KIRREL1: variants seen among roughly 807,000 people sequenced by gnomAD.
KIRREL1 encodes the protein kirre like nephrin family adhesion molecule 1, also known as kin of IRRE-like protein 1.
KIRREL1 carries 25 observed loss-of-function variants against 83.3 expected under a neutral mutation model. That is an observed-to-expected ratio of 0.30 (90% confidence interval 0.22 to 0.42). The LOEUF is 0.42. KIRREL1 is among the 10% of genes least tolerant of loss of function. The pLI is 1.00. For synonymous variants in KIRREL1, 388 were observed against 410.4 expected (o/e 0.95, Z 0.66); for missense variants, 812 against 1,032.3 (o/e 0.79, Z 2.92).
chr1:158,013,266 G>C (rs1659736848), intron 1 of KIRREL1, among the ~76,000 whole-genome samples: 1 of 152,200 alleles, frequency 6.6e-6, no homozygotes, highest in Non-Finnish European at 1.5e-5. Flanking sequence ...AGCTGCGACT[G>C]ACCTGTCTGT....
chr1:158,070,827 C>G (rs533362533), intron 1 of KIRREL1, among the ~76,000 whole-genome samples: 4 of 152,116 alleles, frequency 2.6e-5, no homozygotes, highest in Middle Eastern at 3.2e-3. Context: ...AAGCACAGAG[C>G]TGCCACGCCA....
In KIRREL1 at chr1:158,097,221, C is replaced by T; in HGVS notation, c.*2101C>T. 5.8e-6 allele frequency: 2 copies of T among 343,604 alleles called. No homozygotes were observed. The highest frequency in any genetic ancestry group is 2.4e-5 in the South Asian group (1 of 42,416). The allele number at this position is 343,604 out of a possible 1,614,324, so 21.3% of individuals were successfully genotyped here. On this transcript the variant is annotated 3_prime_UTR_variant, in exon 15 of 15. Coordinates refer to ENST00000359209, the MANE Select transcript of KIRREL1 (RefSeq NM_018240.7). ...CTGTCAAGAAATTCAGGTTCTTGTA[C>T]AGACAAATTCATGCAAATTTCTATT...
At chr1:158,086,845 C>G (rs1016211826) in intron 5 of KIRREL1, 99 bp downstream of exon 5, 7 of 1,120,014 alleles carry the variant, frequency 6.2e-6, no homozygotes, top group Non-Finnish European at 7.7e-6. Context: ...CTAAGAGTCC[C>G]CCTATGGTCC....
chr1:158,061,887 A>G (rs1661223250), intron 1 of KIRREL1, among the ~76,000 whole-genome samples: 2 of 152,078 alleles, frequency 1.3e-5, no homozygotes, highest in Non-Finnish European at 2.9e-5. Flanking sequence ...CTGTGGATGG[A>G]TGTAGGTCTG....
At chr1:158,060,612 T>C (rs953960373) in intron 1 of KIRREL1, among the ~76,000 whole-genome samples, 1 of 152,154 alleles carries the variant, frequency 6.6e-6, no homozygotes, top group Non-Finnish European at 1.5e-5. Context: ...TCCAACAGCC[T>C]CTGCTTGCCT....
intron 1 of KIRREL1, chr1:158,031,108 T>C (rs1463857525): frequency 1.3e-5 from 2 of 152,198 alleles, no homozygotes; most frequent in Non-Finnish European, 2.9e-5. Flanking sequence ...AAAGTGTTAA[T>C]TAGACATCAT....
intron 1 of KIRREL1, among the ~76,000 whole-genome samples, chr1:158,017,482 A>G (rs1659863780): frequency 6.6e-6 from 1 of 152,030 alleles, no homozygotes; most frequent in Admixed American, 6.6e-5. Context: ...ACTTGAGGAC[A>G]GGAGTTTGAG....
chr1:158,089,448 A>C, intron 8 of KIRREL1, 54 bp from the exon 9 acceptor site: 1 of 1,609,428 alleles, frequency 6.2e-7, no homozygotes, highest in Non-Finnish European at 8.5e-7. Flanking sequence ...GCCCTCATGG[A>C]CCTAGGGGCC....
intron 1 of KIRREL1, among the ~76,000 whole-genome samples, chr1:157,994,650 C>A (rs1659141856): frequency 6.6e-6 from 1 of 151,940 alleles, no homozygotes; most frequent in South Asian, 2.1e-4. Flanking sequence ...TCTTGCCTCC[C>A]AGGTCTGACT....
In KIRREL1 at chr1:158,097,271, G is replaced by A. The variant is rs201382116; in HGVS notation, c.*2151G>A. 268 of 86,168 alleles carry A rather than the reference G, an allele frequency of 3.1e-3. 2 individuals are homozygous for A. The East Asian group carries it at 0.15, about 50-fold the overall frequency. 5.3% of individuals were successfully genotyped at this position (86,168 alleles called of 1,614,324 possible). On this transcript the variant is annotated 3_prime_UTR_variant, in exon 15 of 15. Coordinates refer to ENST00000359209, the MANE Select transcript of KIRREL1 (RefSeq NM_018240.7). ...TATTTTCACAAAAACCAGAAACCAT[G>A]GGGGAATCCAAAGACTTGAAGTCTA... is the stretch of plus-strand genomic sequence containing the variant.
At chr1:158,048,166 C>T (rs982765541) in intron 1 of KIRREL1, among the ~76,000 whole-genome samples, 3 of 151,966 alleles carry the variant, frequency 2.0e-5, no homozygotes, top group Non-Finnish European at 4.4e-5. Context: ...CCTATTGCGT[C>T]CAAAAAATTA....
At position 158,091,491 on chromosome 1, in the gene KIRREL1, A is replaced by T; in HGVS notation, c.1406A>T (p.His469Leu). ...GTCATGGAGGCCGACTTTCAGACTC[A>T]CTACAACTGCACCGCCTGGAACAGC... ...NNVMEADFQTHYNCTAWNSFG... is the reference protein window; with the variant it reads ...NNVMEADFQTLYNCTAWNSFG... Residue 469 changes from histidine (H) to leucine (L), a missense_variant, in exon 11 of 15, where the codon CAC (histidine) becomes CTC (leucine). Physicochemically the swap from His to Leu is moderately conservative, Grantham distance 99. Transcript: ENST00000359209. 6 of 1,614,236 alleles carry T rather than the reference A, an allele frequency of 3.7e-6. No homozygotes were observed. The highest frequency in any genetic ancestry group is 5.1e-6 in the Non-Finnish European group (6 of 1,180,048).
intron 1 of KIRREL1, among the ~76,000 whole-genome samples, chr1:158,027,134 G>A (rs1660196508): frequency 6.6e-6 from 1 of 152,156 alleles, no homozygotes; most frequent in Admixed American, 6.5e-5. Context: ...CTTCTGACTG[G>A]CTGGCTACAA....
intron 1 of KIRREL1, among the ~76,000 whole-genome samples, chr1:158,010,026 G>C (rs1280766476): frequency 6.6e-6 from 1 of 151,968 alleles, no homozygotes; most frequent in Non-Finnish European, 1.5e-5. Context: ...CAGTGACCTG[G>C]GCCTATTTTC....
chr1:158,091,297 G>A (rs1571001456), intron 10 of KIRREL1, 61 bp from the exon 11 acceptor site: 12 of 1,504,460 alleles, frequency 8.0e-6, no homozygotes, highest in Middle Eastern at 1.9e-4. Flanking sequence ...CAGGGGACAC[G>A]TGGGCATGGG....
intron 1 of KIRREL1, among the ~76,000 whole-genome samples, chr1:158,055,131 G>A (rs2101597303): frequency 6.6e-6 from 1 of 152,186 alleles, no homozygotes; most frequent in South Asian, 2.1e-4. Flanking sequence ...TCTGCTGCCT[G>A]CCTTCCCCCT....
chr1:158,039,809 G>A (rs1660576627), intron 1 of KIRREL1, among the ~76,000 whole-genome samples: 1 of 152,244 alleles, frequency 6.6e-6, no homozygotes, highest in South Asian at 2.1e-4. Flanking sequence ...GTGTTGGTGT[G>A]TTGGTCTCAG....
At chr1:158,042,018 C>T (rs1371846951) in intron 1 of KIRREL1, among the ~76,000 whole-genome samples, 1 of 152,092 alleles carries the variant, frequency 6.6e-6, no homozygotes, top group African/African-American at 2.4e-5. Flanking sequence ...AGAGAACTTG[C>T]TACATTGCCT....
At chr1:158,002,843 C>T (rs557577186) in intron 1 of KIRREL1, among the ~76,000 whole-genome samples, 1 of 152,184 alleles carries the variant, frequency 6.6e-6, no homozygotes, top group African/African-American at 2.4e-5. Flanking sequence ...GGACAATCCC[C>T]GATTGTACCC....
Sources: allele counts gnomAD v4.1 joint callset (sites outside exome capture counted in the v4.1 genomes callset), GRCh38; gene constraint gnomAD v4.1.1; transcripts MANE v1.5; gene names NCBI Gene and HGNC (gene_info 2026-07-23, HGNC 2026-07-21).